Variants in GLP2R observed in about 807,000 individuals in gnomAD.
The protein encoded by GLP2R is glucagon like peptide 2 receptor.
In GLP2R, 59 loss-of-function variants were observed where a neutral mutation model predicts 68.2. That is an observed-to-expected ratio of 0.87 (90% CI 0.70 to 1.07). The LOEUF is 1.07. Ranked by LOEUF, GLP2R falls within the 50% of genes least tolerant of loss-of-function variation. The pLI is 0.00. For synonymous variants in GLP2R, 270 were observed against 265.4 expected, an observed-to-expected ratio of 1.02 and a Z score of -0.17; for missense variants, 548 against 677.4, an observed-to-expected ratio of 0.81 and a Z score of 2.12.
intron 3 of GLP2R, 33 bp from the exon 4 acceptor site, chr17:9,842,462 T>C (rs774676114): frequency 1.7e-5 from 27 of 1,613,532 alleles, no homozygotes; most frequent in Non-Finnish European, 2.3e-5. Context: ...CTGTGTGTTC[T>C]GACCTTTCCT....
intron 9 of GLP2R, chr17:9,866,150 G>C: frequency 3.0e-6 from 1 of 333,078 alleles, no homozygotes. Flanking sequence ...AAGTGAAAGA[G>C]GCAGGCTAGG....
intron 11 of GLP2R, among the ~76,000 whole-genome samples, chr17:9,881,412 G>C (rs1036386421): frequency 1.2e-4 from 14 of 116,148 alleles, no homozygotes; most frequent in Non-Finnish European, 1.9e-4. Flanking sequence ...ACGGAGTCTC[G>C]CTCTGTCGCC....
chr17:9,877,489 G>A (rs2067151330), intron 10 of GLP2R, among the ~76,000 whole-genome samples: 1 of 152,178 alleles, frequency 6.6e-6, no homozygotes, highest in African/African-American at 2.4e-5. Flanking sequence ...ACAGGAAAAG[G>A]ACATTAGCGG....
intron 4 of GLP2R, among the ~76,000 whole-genome samples, chr17:9,854,128 A>G (rs749934472): frequency 1.3e-5 from 2 of 152,234 alleles, no homozygotes; most frequent in Non-Finnish European, 2.9e-5. Flanking sequence ...GGAAGGACCC[A>G]TAGACCCTAG....
At chr17:9,876,034 T>C (rs888025420) in intron 10 of GLP2R, among the ~76,000 whole-genome samples, 1 of 152,170 alleles carries the variant, frequency 6.6e-6, no homozygotes, top group Non-Finnish European at 1.5e-5. Flanking sequence ...TGAGACACCA[T>C]GCCCGGTTAA....
At chr17:9,871,250 A>G (rs370244299) in intron 10 of GLP2R, among the ~76,000 whole-genome samples, 223 of 151,862 alleles carry the variant, frequency 1.5e-3, no homozygotes, top group African/African-American at 5.2e-3. Flanking sequence ...CTGTAGTCCC[A>G]GGCTAAGGTG....
intron 10 of GLP2R, among the ~76,000 whole-genome samples, chr17:9,879,999 A>C (rs1048721618): frequency 6.6e-6 from 1 of 152,178 alleles, no homozygotes; most frequent in Non-Finnish European, 1.5e-5. Flanking sequence ...AGATAGATGA[A>C]ACTGCTAACC....
chr17:9,877,626 A>C (rs1168824207), intron 10 of GLP2R, among the ~76,000 whole-genome samples: 1 of 152,178 alleles, frequency 6.6e-6, no homozygotes, highest in Non-Finnish European at 1.5e-5. Flanking sequence ...GCGGTGGCTC[A>C]AACCTGTAAT....
intron 4 of GLP2R, 75 bp from the exon 5 acceptor site, chr17:9,854,420 C>T (rs140437363): frequency 1.1e-6 from 1 of 874,002 alleles, no homozygotes; most frequent in South Asian, 1.4e-5. Flanking sequence ...CCTTGGTGGC[C>T]CTGGGTGTGG....
At chr17:9,852,994 A>G (rs1166709678) in intron 4 of GLP2R, 2 of 481,428 alleles carry the variant, frequency 4.2e-6, no homozygotes, top group African/African-American at 2.0e-5. Context: ...TCTGCTCTGA[A>G]CCACACTCTT....
At chr17:9,864,055 C>A (rs183546936) in intron 9 of GLP2R, among the ~76,000 whole-genome samples, 1 of 152,320 alleles carries the variant, frequency 6.6e-6, no homozygotes, top group East Asian at 1.9e-4. Context: ...CTTCTAGGAG[C>A]TACACCAATG....
rs746328111 is a variant in GLP2R, at chr17:9,889,612, C to T, written c.1569C>T (p.Arg523=). The T allele has an allele frequency of 1.2e-6, 2 of 1,613,754 alleles. No individual in the cohort carries two copies. Among genetic ancestry groups the T allele is most frequent in the Non-Finnish European group, 1.7e-6 (2 of 1,179,822 alleles). Residue 523 remains arginine (R), a synonymous_variant, in exon 13 of 13, where the codon CGC becomes CGT. Transcript: ENST00000262441. ...LGAQPQQDHA[R]WPRGSSLSEC... ...CCCAGCCCCAACAGGACCATGCACG[C>T]TGGCCCCGGGGCAGCAGCCTGTCCG...
intron 9 of GLP2R, among the ~76,000 whole-genome samples, chr17:9,869,080 A>G (rs927847758): frequency 1.3e-5 from 2 of 152,188 alleles, no homozygotes; most frequent in African/African-American, 4.8e-5. Flanking sequence ...AACAAAGATC[A>G]TTTGACTCAT....
At chr17:9,848,660 T>A (rs2066863085) in intron 4 of GLP2R, among the ~76,000 whole-genome samples, 1 of 152,068 alleles carries the variant, frequency 6.6e-6, no homozygotes, top group Admixed American at 6.6e-5. Flanking sequence ...TGGCCATATT[T>A]CCAAGAATTC....
intron 4 of GLP2R, among the ~76,000 whole-genome samples, chr17:9,845,744 TGTGC>T (rs952398487): frequency 2.6e-5 from 3 of 115,386 alleles, no homozygotes; most frequent in African/African-American, 1.4e-4. Flanking sequence ...TATGTGTGTG[TGTGC>T]GTGTGTGTGT....
chr17:9,838,640 A>T (rs1293543406), intron 3 of GLP2R, among the ~76,000 whole-genome samples: 2 of 152,254 alleles, frequency 1.3e-5, no homozygotes, highest in Non-Finnish European at 2.9e-5. Context: ...CTTTAAAAAA[A>T]AAATAGGTTT....
At chr17:9,853,038 GC>G (rs2066905861) in intron 4 of GLP2R, 2 of 489,814 alleles carry the variant, frequency 4.1e-6, no homozygotes, top group African/African-American at 2.0e-5. Flanking sequence ...TGATTTCAAA[GC>G]CCCCATGGAA....
At chr17:9,841,172 A>G (rs912694068) in intron 3 of GLP2R, among the ~76,000 whole-genome samples, 8 of 144,608 alleles carry the variant, frequency 5.5e-5, no homozygotes, top group African/African-American at 2.0e-4. Context: ...GCTCGCTACC[A>G]TGCCTAGCTA....
chr17:9,876,580 T>TG (rs2067144168), intron 10 of GLP2R, among the ~76,000 whole-genome samples: 1 of 152,216 alleles, frequency 6.6e-6, no homozygotes, highest in African/African-American at 2.4e-5. Context: ...ACCTCTCACA[T>TG]GAGGGTCTTG....
Sources: gnomAD v4.1 joint callset for allele counts (sites outside exome capture counted in the v4.1 genomes callset) on GRCh38, gnomAD v4.1.1 for gene constraint, MANE v1.5 for transcripts, NCBI Gene and HGNC (gene_info 2026-07-23, HGNC 2026-07-21) for gene names.